Variants in DUSP29 observed in about 807,000 individuals in gnomAD.
DUSP29 encodes dual specificity phosphatase 29, also known as atypical dual-specific protein phosphatase.
In DUSP29, 12 loss-of-function variants were observed where a neutral mutation model predicts 13.5. The ratio of observed to expected loss-of-function variants is 0.89; its 90% CI spans 0.57 to 1.44. The LOEUF (loss-of-function observed/expected upper bound fraction) is 1.44, where lower values mean the gene tolerates loss of function less well. DUSP29 is among the 40% of genes most tolerant of loss of function. DUSP29 has a pLI of 0.00. For missense variants in DUSP29, 308 were observed against 301.1 expected, an observed-to-expected ratio of 1.02 and a Z score of -0.17; for synonymous variants, 134 against 128.7, an observed-to-expected ratio of 1.04 and a Z score of -0.28.
chr10:75,060,608 G>A (rs1847068041), intron 1 of DUSP29, among the ~76,000 whole-genome samples: 1 of 152,142 alleles, frequency 6.6e-6, no homozygotes, highest in Admixed American at 6.5e-5. Context: ...ATATACTACT[G>A]GGTTGATACG....
At chr10:75,055,347 GC>G (rs1846935528) in intron 2 of DUSP29, among the ~76,000 whole-genome samples, 1 of 151,976 alleles carries the variant, frequency 6.6e-6, no homozygotes, top group African/African-American at 2.4e-5. Context: ...ATATATGTGT[GC>G]CTTTTTTATT....
intron 1 of DUSP29, among the ~76,000 whole-genome samples, chr10:75,065,452 C>A (rs556028718): frequency 6.6e-6 from 1 of 151,856 alleles, no homozygotes; most frequent in East Asian, 1.9e-4. Flanking sequence ...CCTCAGCCTC[C>A]GGAGTAGCTG....
intron 1 of DUSP29, 86 bp from the exon 2 acceptor site, chr10:75,058,634 T>G (rs751829609): frequency 9.4e-6 from 11 of 1,172,124 alleles, no homozygotes; most frequent in Non-Finnish European, 1.3e-5. Context: ...GGGAATAAGC[T>G]TATCTTAAAA....
chr10:75,073,089 G>C (rs550826621), intron 1 of DUSP29, among the ~76,000 whole-genome samples: 2 of 152,042 alleles, frequency 1.3e-5, no homozygotes, highest in African/African-American at 4.8e-5. Context: ...TCCAAATGAC[G>C]CTTTTGTGTT....
chr10:75,065,147 G>A (rs1344134877), intron 1 of DUSP29, among the ~76,000 whole-genome samples: 2 of 152,116 alleles, frequency 1.3e-5, no homozygotes, highest in Non-Finnish European at 2.9e-5. Context: ...AGCTAGAGGG[G>A]CAAAATGCTT....
chr10:75,072,919 C>T (rs543391654), intron 1 of DUSP29, among the ~76,000 whole-genome samples: 16 of 151,980 alleles, frequency 1.1e-4, no homozygotes, highest in Non-Finnish European at 1.3e-4. Context: ...GACACAGGCC[C>T]ATCCCGCCTC....
chr10:75,058,570 G>A, intron 1 of DUSP29, 22 bp from the exon 2 acceptor site: 1 of 1,595,730 alleles, frequency 6.3e-7, no homozygotes, highest in East Asian at 2.2e-5. Flanking sequence ...AGAGAAGCAG[G>A]ATGGGGGTTA....
At chr10:75,044,472 G>T (rs1043756229) in intron 2 of DUSP29, among the ~76,000 whole-genome samples, 2 of 152,164 alleles carry the variant, frequency 1.3e-5, no homozygotes, top group African/African-American at 4.8e-5. Context: ...TTTAAAGCAA[G>T]GCCTTCCATA....
At chr10:75,049,699 G>A (rs942981026) in intron 2 of DUSP29, among the ~76,000 whole-genome samples, 6 of 152,232 alleles carry the variant, frequency 3.9e-5, no homozygotes, top group African/African-American at 7.2e-5. Flanking sequence ...ATTCGTGCTC[G>A]GTGCCTTAAG....
intron 2 of DUSP29, among the ~76,000 whole-genome samples, chr10:75,055,407 T>G (rs747263539): frequency 1.3e-5 from 2 of 152,190 alleles, no homozygotes; most frequent in Non-Finnish European, 2.9e-5. Flanking sequence ...ACACAGAGAT[T>G]GGCAATAAAA....
At chr10:75,059,223 G>C (rs1847034191) in intron 1 of DUSP29, among the ~76,000 whole-genome samples, 1 of 152,212 alleles carries the variant, frequency 6.6e-6, no homozygotes, top group South Asian at 2.1e-4. Flanking sequence ...CCCCAAGATA[G>C]AAAGCTGTGC....
chr10:75,072,940 G>A (rs974838421), intron 1 of DUSP29, among the ~76,000 whole-genome samples: 1 of 151,680 alleles, frequency 6.6e-6, no homozygotes, highest in East Asian at 1.9e-4. Flanking sequence ...CTGCCCACAC[G>A]CGGTACAGCC....
At chr10:75,060,972 G>A (rs1847075661) in intron 1 of DUSP29, among the ~76,000 whole-genome samples, 2 of 152,220 alleles carry the variant, frequency 1.3e-5, no homozygotes, top group Admixed American at 1.3e-4. Flanking sequence ...ATTGATGTAG[G>A]TGTGAATGAG....
intron 2 of DUSP29, among the ~76,000 whole-genome samples, chr10:75,054,616 A>G (rs576808064): frequency 9.8e-5 from 15 of 152,292 alleles, no homozygotes; most frequent in African/African-American, 3.4e-4. Flanking sequence ...TCTTTGAAGT[A>G]ATGGCCTTTG....
At chr10:75,066,605 AC>A (rs1847206591) in intron 1 of DUSP29, among the ~76,000 whole-genome samples, 1 of 152,130 alleles carries the variant, frequency 6.6e-6, no homozygotes, top group African/African-American at 2.4e-5. Flanking sequence ...GACATGTTTT[AC>A]TTGAGCATAT....
At chr10:75,052,300 C>CTTTTTT (rs751523419) in intron 2 of DUSP29, among the ~76,000 whole-genome samples, 6 of 124,904 alleles carry the variant, frequency 4.8e-5, no homozygotes, top group African/African-American at 9.4e-5. Context: ...CATTTGTCTA[C>CTTTTTT]TTTTTTTTTT....
chr10:75,053,606 C>A (rs938083468), intron 2 of DUSP29, among the ~76,000 whole-genome samples: 1 of 152,190 alleles, frequency 6.6e-6, no homozygotes, highest in African/African-American at 2.4e-5. Flanking sequence ...GTACTCACCG[C>A]TGTTTCTGTT....
Position 75,038,058 on chromosome 10 carries a change from G to T in DUSP29, c.441C>A (p.Cys147Ter), listed in dbSNP as rs758641310. 6 of 1,613,378 alleles carry T rather than the reference G, an allele frequency of 3.7e-6. No individual in the cohort carries two copies. Among genetic ancestry groups the T allele is most frequent in the South Asian group, 3.3e-5 (3 of 91,060 alleles). ...TGGCTGACCGGCTGCGGCCCATGAC[G>T]CAGTGAACCAGGATCTTACCTGCAG... ...SDDHSKILVH[C>*]VMGRSRSATL... Residue 147 changes from cysteine (C) to a stop codon, truncating the protein, a stop_gained, in exon 4 of 4, where the codon TGC becomes TGA. Transcript: ENST00000338487. LOFTEE classifies it high-confidence loss of function.
At chr10:75,066,963 T>C (rs2134306222) in intron 1 of DUSP29, among the ~76,000 whole-genome samples, 1 of 150,196 alleles carries the variant, frequency 6.7e-6, no homozygotes, top group East Asian at 2.0e-4. Context: ...TTTTTCTTTT[T>C]TTTTTTTTCT....
Sources: gnomAD v4.1 joint callset for allele counts (sites outside exome capture counted in the v4.1 genomes callset) on GRCh38, gnomAD v4.1.1 for gene constraint, MANE v1.5 for transcripts, NCBI Gene and HGNC (gene_info 2026-07-23, HGNC 2026-07-21) for gene names.